The following GPR39 variants were observed in gnomAD, a reference collection of about 807,000 sequenced individuals.
GPR39 encodes G protein-coupled receptor 39.
In GPR39, 23 loss-of-function variants were observed where a neutral mutation model predicts 18.4. That is an observed-to-expected ratio of 1.25 (90% CI 0.90 to 1.77). The LOEUF (loss-of-function observed/expected upper bound fraction) is 1.77, where lower values mean the gene tolerates loss of function less well. Ranked by LOEUF, GPR39 falls within the 40% of genes most tolerant of loss-of-function variation. The pLI is 0.00. For missense variants in GPR39, 647 were observed against 602.4 expected, an observed-to-expected ratio of 1.07 and a Z score of -0.78; for synonymous variants, 280 against 257.9, an observed-to-expected ratio of 1.09 and a Z score of -0.82.
At chr2:132,472,204 T>G (rs1332233647) in intron 1 of GPR39, among the ~76,000 whole-genome samples, 1 of 152,190 alleles carries the variant, frequency 6.6e-6, no homozygotes, top group Non-Finnish European at 1.5e-5. Flanking sequence ...AACATCATCT[T>G]GTCTAACTTG....
chr2:132,479,673 A>G (rs1304312193), intron 1 of GPR39, among the ~76,000 whole-genome samples: 1 of 152,232 alleles, frequency 6.6e-6, no homozygotes, highest in Non-Finnish European at 1.5e-5. Flanking sequence ...ACCTGTTAGG[A>G]TGGCTACTAT....
intron 1 of GPR39, among the ~76,000 whole-genome samples, chr2:132,452,996 A>G (rs190879302): frequency 2.0e-4 from 31 of 152,316 alleles, no homozygotes; most frequent in Non-Finnish European, 4.0e-4. Flanking sequence ...GCTTATACCC[A>G]GTAATGGGAT....
intron 1 of GPR39, among the ~76,000 whole-genome samples, chr2:132,611,979 A>G (rs1481633715): frequency 6.6e-6 from 1 of 152,210 alleles, no homozygotes; most frequent in African/African-American, 2.4e-5. Context: ...ATTGCAGAAA[A>G]AGCCAAGCAA....
chr2:132,584,165 G>T (rs1680680223), intron 1 of GPR39, among the ~76,000 whole-genome samples: 1 of 152,130 alleles, frequency 6.6e-6, no homozygotes, highest in African/African-American at 2.4e-5. Flanking sequence ...AGACCAGTGG[G>T]CACGTGACCT....
intron 1 of GPR39, among the ~76,000 whole-genome samples, chr2:132,598,243 A>G (rs1455146234): frequency 6.6e-6 from 1 of 152,150 alleles, no homozygotes; most frequent in Non-Finnish European, 1.5e-5. Flanking sequence ...CTACATACAG[A>G]TTGGTTTAAA....
chr2:132,643,891 G>A (rs1375036320), intron 1 of GPR39, among the ~76,000 whole-genome samples: 1 of 152,158 alleles, frequency 6.6e-6, no homozygotes, highest in East Asian at 1.9e-4. Context: ...CACTTCCCTA[G>A]GGTTTCTAGA....
intron 1 of GPR39, among the ~76,000 whole-genome samples, chr2:132,534,797 C>G (rs897237197): frequency 2.2e-4 from 33 of 151,246 alleles, no homozygotes; most frequent in African/African-American, 8.0e-4. Context: ...AATGAGAACA[C>G]ATGGACACAG....
At chr2:132,497,971 T>G (rs1472928855) in intron 1 of GPR39, among the ~76,000 whole-genome samples, 1 of 152,212 alleles carries the variant, frequency 6.6e-6, no homozygotes, top group Non-Finnish European at 1.5e-5. Flanking sequence ...GGCTCCAATC[T>G]GCATTTATCA....
chr2:132,631,046 T>C (rs1330832360), intron 1 of GPR39, among the ~76,000 whole-genome samples: 1 of 152,048 alleles, frequency 6.6e-6, no homozygotes, highest in Non-Finnish European at 1.5e-5. Context: ...TGTATATCCC[T>C]AGAGATGATA....
chr2:132,595,832 T>C (rs913801109), intron 1 of GPR39, among the ~76,000 whole-genome samples: 2 of 152,174 alleles, frequency 1.3e-5, no homozygotes, highest in African/African-American at 4.8e-5. Context: ...CAAAGCAGGT[T>C]TCTAATGAAA....
At chr2:132,595,751 G>C (rs1009062771) in intron 1 of GPR39, among the ~76,000 whole-genome samples, 1 of 152,128 alleles carries the variant, frequency 6.6e-6, no homozygotes, top group African/African-American at 2.4e-5. Flanking sequence ...GTGTGTTTCT[G>C]TTCCTGCCAA....
At chr2:132,606,972 C>T (rs1280252874) in intron 1 of GPR39, among the ~76,000 whole-genome samples, 1 of 152,184 alleles carries the variant, frequency 6.6e-6, no homozygotes, top group East Asian at 1.9e-4. Flanking sequence ...GGTTTGCCAC[C>T]TTCAGGGAAG....
chr2:132,483,827 C>G (rs539515622), intron 1 of GPR39, among the ~76,000 whole-genome samples: 11 of 151,886 alleles, frequency 7.2e-5, no homozygotes, highest in Admixed American at 2.6e-4. Flanking sequence ...GCAGGTCCTA[C>G]TAAAAAAAAA....
intron 1 of GPR39, among the ~76,000 whole-genome samples, chr2:132,564,913 C>T (rs951519792): frequency 1.4e-4 from 21 of 147,810 alleles, no homozygotes; most frequent in Non-Finnish European, 2.8e-4. Flanking sequence ...ACCTCCCAGG[C>T]TCAAGCAATT....
intron 1 of GPR39, chr2:132,604,441 A>T (rs916114164): frequency 6.6e-6 from 1 of 152,376 alleles, no homozygotes; most frequent in Non-Finnish European, 1.5e-5. Flanking sequence ...TGGCCTTGGC[A>T]TCACACAAGC....
At chr2:132,451,962 T>G (rs1476649139) in intron 1 of GPR39, among the ~76,000 whole-genome samples, 1 of 152,202 alleles carries the variant, frequency 6.6e-6, no homozygotes, top group Non-Finnish European at 1.5e-5. Context: ...CCCCTAATAG[T>G]TTCTTCAAGA....
chr2:132,526,512 A>G (rs1161336179), intron 1 of GPR39, among the ~76,000 whole-genome samples: 1 of 152,226 alleles, frequency 6.6e-6, no homozygotes, highest in African/African-American at 2.4e-5. Context: ...ATTCAGAAGT[A>G]TGTTTTTCTT....
chr2:132,626,425 T>C (rs1681546763), intron 1 of GPR39, among the ~76,000 whole-genome samples: 1 of 152,186 alleles, frequency 6.6e-6, no homozygotes, highest in African/African-American at 2.4e-5. Flanking sequence ...AAGGCTGCAC[T>C]ACAGTGTCCT....
rs1328468362 is a variant in GPR39, at chr2:132,486,010, T to C, written c.856+68112T>C. On this transcript the variant is annotated intron_variant, in intron 1 of 1. Transcript: ENST00000329321. The stretch of plus-strand genomic sequence containing the variant: ...AATAATTAGACTCAAAAGTTGAAAT[T>C]ACTCTTTGATCCATGGGCTGAAGAA... Among the ~76,000 whole-genome samples the C allele has an allele frequency of 2.6e-5, 4 of 152,214 alleles. 1 individual carries two copies. The highest frequency in any genetic ancestry group is 2.6e-4 in the Admixed American group (4 of 15,286).
Sources: allele counts gnomAD v4.1 joint callset (sites outside exome capture counted in the v4.1 genomes callset), GRCh38; gene constraint gnomAD v4.1.1; transcripts MANE v1.5; gene names NCBI Gene and HGNC (gene_info 2026-07-23, HGNC 2026-07-21).